The following CCDC14 variants were observed in gnomAD, a reference collection of about 807,000 sequenced individuals.
The protein encoded by CCDC14 is coiled-coil domain-containing protein 14.
CCDC14 carries 71 observed loss-of-function variants against 81.4 expected under a neutral mutation model. The observed-to-expected ratio is 0.87, with a 90% CI of 0.72 to 1.06. The LOEUF (loss-of-function observed/expected upper bound fraction) is 1.06, where lower values mean the gene tolerates loss of function less well. CCDC14 is among the 50% of genes least tolerant of loss of function. The pLI is 0.00. For synonymous variants in CCDC14, 332 were observed against 364.8 expected, an observed-to-expected ratio of 0.91 and a Z score of 1.03; for missense variants, 1,046 against 1,047.3, an observed-to-expected ratio of 1.00 and a Z score of 0.02.
At chr3:123,912,865 T>C (rs531703852), downstream of CCDC14, among the ~76,000 whole-genome samples, 8 of 152,282 alleles carry the variant, frequency 5.3e-5, no homozygotes, top group South Asian at 2.1e-4. Context: ...TCATTTATTA[T>C]TACCACCCCC....
Position 123,914,930 on chromosome 3 carries a change from A to C in CCDC14, c.2567T>G (p.Phe856Cys). ...CCAGTCAGACATCAAGTCAGAAGTG[A>C]AAACACTACCATCACAGACAGTATT... ...KGNTVCDGSVFTSDLMSDWSI... is the reference protein window; with the variant it reads ...KGNTVCDGSVCTSDLMSDWSI... Residue 856 changes from phenylalanine to cysteine, a missense_variant, in exon 13 of 13, where the codon TTC becomes TGC. By Grantham distance (205) the Phe-to-Cys change is radical (BLOSUM62 -2). Coordinates refer to ENST00000409697, the MANE Select transcript of CCDC14 (RefSeq NM_001366335.1). 1 of 1,614,078 alleles carries C rather than the reference A, an allele frequency of 6.2e-7. No homozygotes were observed.
At chr3:123,896,146 G>A (rs905693739), downstream of CCDC14, among the ~76,000 whole-genome samples, 1 of 152,226 alleles carries the variant, frequency 6.6e-6, no homozygotes, top group Admixed American at 6.5e-5. Context: ...TCTTTAAGAA[G>A]TGTTTGGGTC....
At chr3:123,905,787 A>G (rs1161058779) in intron 5 of CCDC14, among the ~76,000 whole-genome samples, 1 of 152,214 alleles carries the variant, frequency 6.6e-6, no homozygotes, top group East Asian at 1.9e-4. Context: ...GAAAATAATG[A>G]TATAAACTAC....
chr3:123,915,773 C>A (rs1396720715), intron 12 of CCDC14, 55 bp from the exon 13 acceptor site: 40 of 1,307,222 alleles, frequency 3.1e-5, no homozygotes, highest in African/African-American at 5.9e-5. Context: ...TTCTTTAATT[C>A]ACTTATCTAT....
chr3:123,921,167 C>T (rs1293499514), intron 12 of CCDC14, among the ~76,000 whole-genome samples: 40 of 152,072 alleles, frequency 2.6e-4, no homozygotes, highest in Admixed American at 2.6e-3. Flanking sequence ...AAATAAATTA[C>T]AAAATGGCAG....
chr3:123,892,678 C>G (rs1421960609), downstream of CCDC14, among the ~76,000 whole-genome samples: 1 of 151,584 alleles, frequency 6.6e-6, no homozygotes, highest in African/African-American at 2.4e-5. Context: ...CCACCAGCCC[C>G]CTCCTCCAAT....
chr3:123,943,392 T>C (rs1281376822), intron 9 of CCDC14, among the ~76,000 whole-genome samples: 1 of 151,982 alleles, frequency 6.6e-6, no homozygotes, highest in Non-Finnish European at 1.5e-5. Flanking sequence ...CTCTCTAACC[T>C]TCTCTTGCCA....
rs2700372 is a variant in CCDC14 at position 123,914,373 on chromosome 3, T to G, written c.*406A>C. The G allele has an allele frequency of 0.06, 59,004 of 984,738 alleles. 13,578 individuals carry two copies. In the East Asian group the frequency reaches 0.77, roughly 13 times the overall value. 61.0% of individuals were successfully genotyped at this position (984,738 alleles called of 1,614,324 possible). A position where few individuals can be genotyped will look rare whatever the true frequency, so the allele number is the denominator to read the frequency against. On this transcript the variant is annotated 3_prime_UTR_variant, in exon 13 of 13. Transcript: ENST00000409697. Reference sequence around the variant, plus strand: ...CATTGCTATTAAAAAAAAGTATATGTAAACAGAAAAAAAAAACCCTCTAGT... The same window carrying G: ...CATTGCTATTAAAAAAAAGTATATGGAAACAGAAAAAAAAAACCCTCTAGT...
chr3:123,955,532 G>T, intron 5 of CCDC14: 1 of 165,372 alleles, frequency 6.0e-6, no homozygotes, highest in Non-Finnish European at 1.3e-5. Flanking sequence ...ACCAATTTAT[G>T]ATTATCTATG....
chr3:123,926,031 G>C (rs1236923021), intron 12 of CCDC14, among the ~76,000 whole-genome samples: 1 of 151,978 alleles, frequency 6.6e-6, no homozygotes. Flanking sequence ...TAATTAATTT[G>C]ATCAGACTGC....
At chr3:123,886,935 T>A in the CCDC14 span, among the ~76,000 whole-genome samples, 1 of 152,180 alleles carries the variant, frequency 6.6e-6, no homozygotes, top group Non-Finnish European at 1.5e-5. Context: ...CATTAGGACC[T>A]CTTTTCTTTC....
At chr3:123,949,413 A>T in intron 5 of CCDC14, 2 of 385,944 alleles carry the variant, frequency 5.2e-6, no homozygotes, top group South Asian at 7.4e-5. Flanking sequence ...TCATTTTAAC[A>T]CTTCTTTTAA....
At position 123,959,452 on chromosome 3, in the gene CCDC14, C is replaced by A. The variant is rs1349515976; in HGVS notation, c.30+1692G>T. Among the ~76,000 whole-genome samples the A allele has an allele frequency of 9.2e-5, 14 of 152,144 alleles. No individual in the cohort carries two copies. The South Asian group carries it at 1.2e-3, about 14-fold the overall frequency. Reference sequence around the variant, plus strand: ...TCTTTGGAGAAATGTCTATTCAAATCCTTTTTTCGTTTTTTAACCAGGTTA... The same window carrying A: ...TCTTTGGAGAAATGTCTATTCAAATACTTTTTTCGTTTTTTAACCAGGTTA... On this transcript the variant is annotated intron_variant, in intron 1 of 12. Coordinates refer to ENST00000409697, the MANE Select transcript of CCDC14 (RefSeq NM_001366335.1).
At chr3:123,939,436 G>A (rs1202738219) in intron 9 of CCDC14, among the ~76,000 whole-genome samples, 2 of 136,924 alleles carry the variant, frequency 1.5e-5, no homozygotes, top group Non-Finnish European at 3.1e-5. Context: ...TTCATCTGCT[G>A]ACACAGATCT....
In CCDC14 at chr3:123,915,440, T is replaced by G; in HGVS notation, c.2057A>C (p.Gln686Pro). 1 of 1,614,058 alleles carries G rather than the reference T, an allele frequency of 6.2e-7. No individual in the cohort carries two copies. Among genetic ancestry groups the G allele is most frequent in the Non-Finnish European group, 8.5e-7 (1 of 1,179,898 alleles). ...YENVLSSRGP[Q>P]NSNTRGMEEA... The stretch of plus-strand genomic sequence containing the variant: ...CTCCATGCCCCTAGTGTTACTATTT[T>G]GAGGGCCTCTGGAGGACAGAACATT... Residue 686 changes from glutamine (Q) to proline (P), a missense_variant, in exon 13 of 13, where the codon CAA becomes CCA. By Grantham distance (76) the Gln-to-Pro change is moderately conservative. Transcript: ENST00000409697.
intron 12 of CCDC14, among the ~76,000 whole-genome samples, chr3:123,928,309 A>C (rs959907726): frequency 4.7e-5 from 7 of 148,856 alleles, no homozygotes; most frequent in East Asian, 2.0e-4. Context: ...CATCCTGGCT[A>C]ACATGGTGAA....
rs969257135 is a variant in CCDC14 at position 123,946,874 on chromosome 3, T to C, written c.1130A>G (p.Asn377Ser). Residue 377 changes from asparagine to serine, a missense_variant, in exon 8 of 13, where the codon AAC becomes AGC. Transcript: ENST00000409697. ...VKDVQKAKNV[N>S]KTAEKVRIIK... ...AATTCTAACTTTTTCAGCTGTCTTG[T>C]TCACATTTTTTGCCTTCTGTACATC... 6.2e-7 allele frequency: 1 copy of C among 1,613,874 alleles called. No individual in the cohort carries two copies. The highest frequency in any genetic ancestry group is 8.5e-7 in the Non-Finnish European group (1 of 1,179,874).
Position 123,914,796 on chromosome 3 carries a change from C to T in CCDC14, c.2701G>A (p.Gly901Ser), listed in dbSNP as rs2034561383. Residue 901 changes from glycine (G) to serine (S), a missense_variant, in exon 13 of 13, where the codon GGT (glycine) becomes AGT (serine). Coordinates refer to ENST00000409697, the MANE Select transcript of CCDC14 (RefSeq NM_001366335.1). ...IARLQKSLRT[G>S]LLEK is the part of the protein sequence containing the mutation. ...TTCTGAATTCATTTCTCCAGAAGAC[C>T]AGTCCTTAAAGACTTCTGGAGTCTA... 6.5e-7 allele frequency: 1 copy of T among 1,544,546 alleles called. No homozygotes were observed. Among genetic ancestry groups the T allele is most frequent in the Non-Finnish European group, 8.7e-7 (1 of 1,144,402 alleles).
At chr3:123,935,661 G>GTA (rs2036018795) in intron 9 of CCDC14, among the ~76,000 whole-genome samples, 1 of 152,204 alleles carries the variant, frequency 6.6e-6, no homozygotes, top group African/African-American at 2.4e-5. Flanking sequence ...CAGAACAACA[G>GTA]TATAATGTGA....
Sources: allele counts gnomAD v4.1 joint callset (sites outside exome capture counted in the v4.1 genomes callset), GRCh38; gene constraint gnomAD v4.1.1; transcripts MANE v1.5; gene names NCBI Gene and HGNC (gene_info 2026-07-23, HGNC 2026-07-21).